Variants in SHTN1 observed in about 807,000 individuals in gnomAD.
SHTN1 encodes shootin 1, also known as shootin-1.
Under a neutral mutation model 83.1 loss-of-function variants are expected in SHTN1, and 42 were observed. That is an observed-to-expected ratio of 0.51 (90% CI 0.39 to 0.65). SHTN1 has a LOEUF of 0.65. Ranked by LOEUF, SHTN1 falls within the 30% of genes least tolerant of loss-of-function variation. The pLI is 0.00. For missense variants in SHTN1, 622 were observed against 737.8 expected (o/e 0.84, Z 1.82); for synonymous variants, 224 against 247.7 (o/e 0.90, Z 0.90).
At chr10:116,985,073 A>C (rs1851175259) in intron 1 of SHTN1, among the ~76,000 whole-genome samples, 1 of 152,252 alleles carries the variant, frequency 6.6e-6, no homozygotes, top group Admixed American at 6.5e-5. Flanking sequence ...TTAATATACC[A>C]TCAGAGTACA....
In SHTN1 at chr10:117,105,331, T is replaced by C. The variant is rs1320160948; in HGVS notation, c.-189+20976A>G. 3.3e-5 allele frequency among the ~76,000 whole-genome samples: 5 copies of C among 152,368 alleles called. No individual in the cohort carries two copies. The South Asian group carries it at 1.0e-3, about 32-fold the overall frequency. On this transcript the variant is annotated intron_variant, in intron 1 of 17. Transcript: ENST00000392901. ...ACAATAAGCAAATGCTATATAATAA[T>C]TATATCCATTAACAGGTATGCTTTG...
chr10:116,925,423 T>C (rs553306773), intron 11 of SHTN1, among the ~76,000 whole-genome samples: 1 of 152,256 alleles, frequency 6.6e-6, no homozygotes, highest in East Asian at 1.9e-4. Flanking sequence ...CTGTCAAACT[T>C]TGGAATAAAA....
In SHTN1 at chr10:117,020,334, TA is replaced by T. The variant is rs34102272; in HGVS notation, c.-123+28110del. On this transcript the variant is annotated intron_variant, in intron 2 of 17. Coordinates refer to the SHTN1 transcript ENST00000392901. Reference sequence around the variant, plus strand: ...GTGAAACCCTGTCTCTAATAAAAATTAAAAAAAAAAAAAAATTAGCCAGGCA... The same window carrying T: ...GTGAAACCCTGTCTCTAATAAAAATTAAAAAAAAAAAAAATTAGCCAGGCA... Among the ~76,000 whole-genome samples the T allele has an allele frequency of 6.1e-3, 826 of 134,596 alleles. 1 individual carries two copies. The highest frequency in any genetic ancestry group is 0.012 in the Middle Eastern group (3 of 260). The allele number at this position is 134,596 out of a possible 152,430, so 88.3% of individuals were successfully genotyped here.
At position 116,886,413 on chromosome 10, in the gene SHTN1, G is replaced by A. The variant is rs769545630; in HGVS notation, c.1827C>T (p.Gly609=). The A allele has an allele frequency of 2.6e-5, 42 of 1,596,316 alleles. No homozygotes were observed. Among genetic ancestry groups the A allele is most frequent in the South Asian group, 5.6e-5 (5 of 89,118 alleles). ...CTTCTTTGTTTTCTGGTTGAATTTC[G>A]CCTTCATCCTCCTTGTGTTGAGTTG... ...KDPTQHKEDE[G]EIQPENKEDS... is the part of the protein sequence containing the mutation. Residue 609 remains glycine, a synonymous_variant, in exon 17 of 17, where the codon GGC becomes GGT. Coordinates refer to ENST00000355371, the MANE Select transcript of SHTN1 (RefSeq NM_001127211.3).
intron 2 of SHTN1, among the ~76,000 whole-genome samples, chr10:117,026,402 A>G (rs1461684890): frequency 6.7e-6 from 1 of 149,054 alleles, no homozygotes; most frequent in African/African-American, 2.5e-5. Context: ...GCCACAGTAC[A>G]ATAGAAATCC....
intron 1 of SHTN1, among the ~76,000 whole-genome samples, chr10:117,125,981 G>C (rs1362820566): frequency 6.6e-6 from 1 of 152,180 alleles, no homozygotes; most frequent in Non-Finnish European, 1.5e-5. Flanking sequence ...CAAAAACCTG[G>C]CACTCCGTCC....
At position 116,881,576 on chromosome 10, in the gene SHTN1, A is replaced by C; in HGVS notation, c.*4768T>G. The C allele has an allele frequency of 6.4e-7, 1 of 1,550,418 alleles. No homozygotes were observed. On this transcript the variant is annotated 3_prime_UTR_variant, in exon 17 of 17. Coordinates refer to ENST00000355371, the MANE Select transcript of SHTN1 (RefSeq NM_001127211.3). ...AGGAAGCTGAAAAGGCTGCGGAGGC[A>C]CTTGAGGCTGCTGCGGCTAGGGAGC...
chr10:116,938,007 C>T (rs1231781498), intron 9 of SHTN1, among the ~76,000 whole-genome samples: 1 of 151,792 alleles, frequency 6.6e-6, no homozygotes, highest in Non-Finnish European at 1.5e-5. Context: ...TGTTTTTCAG[C>T]TCCATCAGGT....
intron 1 of SHTN1, among the ~76,000 whole-genome samples, chr10:117,068,731 A>C (rs1182674568): frequency 6.6e-6 from 1 of 152,220 alleles, no homozygotes; most frequent in Non-Finnish European, 1.5e-5. Flanking sequence ...CAGTGGCTAT[A>C]ACTTCAAAGC....
At chr10:116,990,343 T>C (rs373435096) in intron 1 of SHTN1, among the ~76,000 whole-genome samples, 5 of 149,382 alleles carry the variant, frequency 3.3e-5, no homozygotes, top group African/African-American at 1.2e-4. Context: ...GTAAGAAGAT[T>C]CTCCTTCCAC....
intron 11 of SHTN1, 43 bp from the exon 12 acceptor site, chr10:116,921,559 C>G (rs541054504): frequency 1.4e-6 from 2 of 1,435,370 alleles, no homozygotes; most frequent in South Asian, 1.2e-5. Flanking sequence ...TACTGGATGC[C>G]TAGATCCTAA....
intron 5 of SHTN1, among the ~76,000 whole-genome samples, chr10:116,953,566 C>T (rs1849851269): frequency 6.6e-6 from 1 of 151,164 alleles, no homozygotes; most frequent in Middle Eastern, 3.4e-3. Context: ...ATTTAATTGG[C>T]CTATGGTGTA....
intron 2 of SHTN1, among the ~76,000 whole-genome samples, chr10:117,047,758 C>CAAA (rs11411347): frequency 1.4e-5 from 2 of 138,234 alleles, no homozygotes; most frequent in African/African-American, 2.7e-5. Context: ...ACATAAAGAC[C>CAAA]AAAAAAAAAA....
chr10:116,993,336 T>A (rs982080495), intron 1 of SHTN1, among the ~76,000 whole-genome samples: 2 of 152,090 alleles, frequency 1.3e-5, no homozygotes. Context: ...TTTTCATATA[T>A]GTTGTAGGTT....
intron 2 of SHTN1, among the ~76,000 whole-genome samples, chr10:117,027,876 C>A (rs1437606225): frequency 6.6e-6 from 1 of 152,112 alleles, no homozygotes; most frequent in Non-Finnish European, 1.5e-5. Context: ...GCTATAAAGA[C>A]AACTGAAAAT....
At chr10:117,120,413 A>C (rs932641460) in intron 1 of SHTN1, among the ~76,000 whole-genome samples, 2 of 151,960 alleles carry the variant, frequency 1.3e-5, no homozygotes, top group African/African-American at 4.8e-5. Flanking sequence ...ACGCCCAGCT[A>C]ATTTTTTTGT....
At chr10:116,897,588 A>G (rs1847567848) in intron 16 of SHTN1, among the ~76,000 whole-genome samples, 1 of 152,246 alleles carries the variant, frequency 6.6e-6, no homozygotes. Context: ...TTGATGATCC[A>G]TTATCCCAGC....
intron 1 of SHTN1, among the ~76,000 whole-genome samples, chr10:117,058,280 G>T (rs1852853795): frequency 1.3e-5 from 2 of 151,978 alleles, no homozygotes; most frequent in Admixed American, 6.6e-5. Flanking sequence ...CACATAACTG[G>T]TAAGTCATTA....
chr10:116,897,196 C>T (rs999202583), intron 16 of SHTN1, among the ~76,000 whole-genome samples: 2 of 152,152 alleles, frequency 1.3e-5, no homozygotes, highest in African/African-American at 4.8e-5. Flanking sequence ...ATGTTGGCCC[C>T]TAAGAGTACT....
Sources: gnomAD v4.1 joint callset for allele counts (sites outside exome capture counted in the v4.1 genomes callset) on GRCh38, gnomAD v4.1.1 for gene constraint, MANE v1.5 for transcripts, NCBI Gene and HGNC (gene_info 2026-07-23, HGNC 2026-07-21) for gene names.